The following RMST variants were observed in gnomAD, a reference collection of about 807,000 sequenced individuals.
The protein encoded by RMST is rhabdomyosarcoma 2 associated transcript.
At chr12:97,514,341 A>G (rs1337623372) in intron 10 of RMST, among the ~76,000 whole-genome samples, 1 of 152,230 alleles carries the variant, frequency 6.6e-6, no homozygotes, top group Non-Finnish European at 1.5e-5. Context: ...GGAAAATTCT[A>G]TAGGAAATGA....
intron 5 of RMST, among the ~76,000 whole-genome samples, chr12:97,483,065 A>G (rs1381743725): frequency 1.3e-5 from 2 of 152,184 alleles, no homozygotes; most frequent in Non-Finnish European, 2.9e-5. Flanking sequence ...TGACTAGGCC[A>G]CTGTATGCTA....
At chr12:97,469,355 T>A (rs1018223271) in intron 5 of RMST, among the ~76,000 whole-genome samples, 1 of 152,040 alleles carries the variant, frequency 6.6e-6, no homozygotes, top group East Asian at 1.9e-4. Flanking sequence ...TTTTCCTTAT[T>A]ATTCAGGCCC....
At chr12:97,556,924 C>A (rs956578594) in intron 11 of RMST, among the ~76,000 whole-genome samples, 1 of 152,138 alleles carries the variant, frequency 6.6e-6, no homozygotes, top group African/African-American at 2.4e-5. Flanking sequence ...TTAATATTTA[C>A]AACACTGTAT....
At chr12:97,511,506 C>T (rs149175071) in intron 10 of RMST, among the ~76,000 whole-genome samples, 1 of 152,116 alleles carries the variant, frequency 6.6e-6, no homozygotes, top group African/African-American at 2.4e-5. Context: ...CTATTTTTTC[C>T]TTTCATATTC....
At chr12:97,563,635 T>C (rs577033530) in intron 13 of RMST, 7 of 371,532 alleles carry the variant, frequency 1.9e-5, no homozygotes, top group African/African-American at 1.1e-4. Context: ...TCCCGGTCCT[T>C]GTAGCTAAGA....
chr12:97,504,689 G>T (rs1157439102), intron 10 of RMST, among the ~76,000 whole-genome samples: 2 of 152,150 alleles, frequency 1.3e-5, no homozygotes, highest in Non-Finnish European at 2.9e-5. Context: ...GAAAAAAGGA[G>T]TCCTTAGAAA....
intron 10 of RMST, among the ~76,000 whole-genome samples, chr12:97,498,571 T>C (rs1268006574): frequency 1.3e-5 from 2 of 149,920 alleles, no homozygotes; most frequent in Non-Finnish European, 3.0e-5. Flanking sequence ...ATCTTCTATA[T>C]ACAATTTTTC....
At chr12:97,513,912 G>T (rs1259526810) in intron 10 of RMST, among the ~76,000 whole-genome samples, 2 of 152,178 alleles carry the variant, frequency 1.3e-5, no homozygotes, top group African/African-American at 2.4e-5. Flanking sequence ...GTGAAGAGCT[G>T]CCTCAAAGGA....
intron 11 of RMST, among the ~76,000 whole-genome samples, chr12:97,536,327 CCTTTT>C (rs771711831): frequency 5.3e-4 from 81 of 151,416 alleles, no homozygotes; most frequent in Non-Finnish European, 8.3e-4. Flanking sequence ...CTTTTTTTCT[CCTTTT>C]CTTATGAGAA....
At chr12:97,524,678 G>A (rs1405449553) in intron 10 of RMST, among the ~76,000 whole-genome samples, 1 of 152,146 alleles carries the variant, frequency 6.6e-6, no homozygotes. Context: ...CCACCCCCTT[G>A]TAAATACAAG....
At chr12:97,549,306 A>G (rs1030689082) in intron 11 of RMST, among the ~76,000 whole-genome samples, 1 of 152,246 alleles carries the variant, frequency 6.6e-6, no homozygotes, top group African/African-American at 2.4e-5. Flanking sequence ...CACTTAATTC[A>G]TCAAACAGAA....
chr12:97,464,744 G>C (rs1475215516), intron 4 of RMST: 3 of 152,110 alleles, frequency 2.0e-5, no homozygotes, highest in Non-Finnish European at 4.4e-5. Flanking sequence ...CGTGGTTTTG[G>C]GGACTTAGCA....
chr12:97,504,353 GAGATTGCTTC>G (rs1356013141), intron 10 of RMST, among the ~76,000 whole-genome samples: 1 of 146,372 alleles, frequency 6.8e-6, no homozygotes, highest in Non-Finnish European at 1.5e-5. Context: ...GCAGAGTGGA[GAGATTGCTTC>G]AGTGCACTCC....
intron 10 of RMST, among the ~76,000 whole-genome samples, chr12:97,515,266 TG>T (rs1382565920): frequency 6.6e-6 from 1 of 152,150 alleles, no homozygotes; most frequent in African/African-American, 2.4e-5. Context: ...TATTCTTCCT[TG>T]CTTCTCAGTA....
intron 10 of RMST, among the ~76,000 whole-genome samples, chr12:97,512,242 G>T (rs1879419247): frequency 6.6e-6 from 1 of 152,136 alleles, no homozygotes; most frequent in Non-Finnish European, 1.5e-5. Context: ...GGTCCCGCTG[G>T]CTTCAGGAGT....
At chr12:97,509,044 G>A (rs1879001075) in intron 10 of RMST, among the ~76,000 whole-genome samples, 1 of 152,128 alleles carries the variant, frequency 6.6e-6, no homozygotes, top group Non-Finnish European at 1.5e-5. Flanking sequence ...ATTTTCTTGA[G>A]GTTTTATGGT....
At position 97,509,063 on chromosome 12, in the gene RMST, T is replaced by C. The variant is rs531057932; in HGVS notation, n.1340+13007T>C. ...TCTTGAGGTTTTATGGTAAAATGAA[T>C]TCTCGGAAAGTTCATCCTTTGACTA... On this transcript the variant is annotated intron_variant and non_coding_transcript_variant, in intron 10 of 13. Transcript: ENST00000640149. 3.9e-5 allele frequency among the ~76,000 whole-genome samples: 6 copies of C among 152,338 alleles called. No individual in the cohort carries two copies. In the South Asian group the frequency reaches 6.2e-4, roughly 16 times the overall value.
At chr12:97,556,527 C>T (rs1334210177) in intron 11 of RMST, among the ~76,000 whole-genome samples, 4 of 152,216 alleles carry the variant, frequency 2.6e-5, no homozygotes, top group African/African-American at 9.6e-5. Flanking sequence ...ATATTTAGAG[C>T]ATCTCCATGT....
intron 6 of RMST, chr12:97,493,063 T>A (rs1395061289): frequency 6.6e-6 from 1 of 152,438 alleles, no homozygotes; most frequent in Non-Finnish European, 1.5e-5. Context: ...TCAAGCAAAG[T>A]TAACATCTTT....
Sources: gnomAD v4.1 joint callset for allele counts (sites outside exome capture counted in the v4.1 genomes callset) on GRCh38, gnomAD v4.1.1 for gene constraint, MANE v1.5 for transcripts, NCBI Gene and HGNC (gene_info 2026-07-23, HGNC 2026-07-21) for gene names.